Variants in IQANK1 observed in about 807,000 individuals in gnomAD.
IQANK1 encodes the protein IQ motif and ankyrin repeat domain-containing protein 1.
Under a neutral mutation model 22.6 loss-of-function variants are expected in IQANK1, and 30 were observed. The observed-to-expected ratio is 1.33, with a 90% CI of 0.99 to 1.80. The LOEUF (loss-of-function observed/expected upper bound fraction) is 1.80. Ranked by LOEUF, IQANK1 falls within the 40% of genes most tolerant of loss-of-function variation. IQANK1 has a pLI of 0.00. For missense variants in IQANK1, 275 were observed against 235.2 expected (o/e 1.17, Z -1.11); for synonymous variants, 122 against 99.6 (o/e 1.23, Z -1.34).
rs931044501 is a variant in IQANK1, at chr8:143,790,304, C to T, written c.1424+33C>T. 64 of 1,231,548 alleles carry T rather than the reference C, an allele frequency of 5.2e-5. No individual in the cohort carries two copies. In the African/African-American group the frequency reaches 9.3e-4, roughly 18 times the overall value. 76.3% of individuals were successfully genotyped at this position (1,231,548 alleles called of 1,614,324 possible). A position where few individuals can be genotyped will look rare whatever the true frequency, so the allele number is the denominator to read the frequency against. Reference sequence around the variant, plus strand: ...AGGCAGGGTGACAGGTACACCCCACCCCACCTCCCTAGCCCCACCCTGGCC... The same window carrying T: ...AGGCAGGGTGACAGGTACACCCCACTCCACCTCCCTAGCCCCACCCTGGCC... On this transcript the variant is annotated intron_variant, in intron 13 of 13. Transcript: ENST00000527139.
intron 3 of IQANK1, among the ~76,000 whole-genome samples, chr8:143,748,616 AAT>A (rs1202633403): frequency 3.9e-5 from 5 of 128,896 alleles, no homozygotes; most frequent in African/African-American, 1.2e-4. Context: ...ATAATATATA[AAT>A]ATATAATATA....
At chr8:143,753,110 C>T (rs56119507) in intron 3 of IQANK1, among the ~76,000 whole-genome samples, 30,896 of 144,926 alleles carry the variant, frequency 0.21, 3,556 homozygotes, top group East Asian at 0.54. Flanking sequence ...CTTAAGCAAT[C>T]CTCCCTCCTC....
intron 2 of IQANK1, among the ~76,000 whole-genome samples, chr8:143,737,144 G>A (rs116762920): frequency 6.3e-4 from 96 of 152,338 alleles, no homozygotes; most frequent in African/African-American, 2.1e-3. Flanking sequence ...AGGATAATGG[G>A]CACAGGTGCC....
At chr8:143,778,198 AC>A (rs1287319492) in intron 7 of IQANK1, among the ~76,000 whole-genome samples, 151 of 8,074 alleles carry the variant, frequency 0.019, 1 homozygote, top group African/African-American at 0.057. Context: ...CCGTCTCAAA[AC>A]AAAAAAAAAA....
chr8:143,752,415 A>G (rs190813501), intron 3 of IQANK1, among the ~76,000 whole-genome samples: 209 of 152,278 alleles, frequency 1.4e-3, no homozygotes, highest in African/African-American at 4.4e-3. Context: ...TTGCATTTCA[A>G]AAGTTAGACT....
intron 3 of IQANK1, among the ~76,000 whole-genome samples, chr8:143,764,687 T>C (rs917925123): frequency 6.6e-6 from 1 of 152,168 alleles, no homozygotes; most frequent in South Asian, 2.1e-4. Context: ...TCTCTCTCCA[T>C]TTTTACAGGG....
At position 143,739,884 on chromosome 8, in the gene IQANK1, G is replaced by T; in HGVS notation, c.111G>T (p.Pro37=). Residue 37 remains proline (P), a synonymous_variant, in exon 3 of 14, where the codon CCG becomes CCT. Transcript: ENST00000527139. ...AAGKPGENRP[P]QRKAGWQARE... Reference sequence around the variant, plus strand: ...GGAAGCCCGGGGAGAACCGCCCGCCGCAGAGGAAAGCGGGCTGGCAGGCGA... The same window carrying T: ...GGAAGCCCGGGGAGAACCGCCCGCCTCAGAGGAAAGCGGGCTGGCAGGCGA... 1 of 696,782 alleles carries T rather than the reference G, an allele frequency of 1.4e-6. No homozygotes were observed. The highest frequency in any genetic ancestry group is 2.6e-6 in the Non-Finnish European group (1 of 382,460). 43.2% of individuals were successfully genotyped at this position (696,782 alleles called of 1,614,324 possible). A position where few individuals can be genotyped will look rare whatever the true frequency, so the allele number is the denominator to read the frequency against.
chr8:143,760,598 G>C (rs1819377576), intron 3 of IQANK1: 1 of 152,128 alleles, frequency 6.6e-6, no homozygotes. Flanking sequence ...TGGGAGGATC[G>C]GTTGAGCCTG....
At chr8:143,748,807 C>CATATAAATATATAAATATATTTCAT (rs1819101465) in intron 3 of IQANK1, among the ~76,000 whole-genome samples, 1 of 40,142 alleles carries the variant, frequency 2.5e-5, no homozygotes, top group East Asian at 6.3e-4. Context: ...AAATATATAT[C>CATATAAATATATAAATATATTTCAT]ATATAAATAT....
chr8:143,755,231 C>G (rs1217782088), intron 3 of IQANK1, among the ~76,000 whole-genome samples: 1 of 152,216 alleles, frequency 6.6e-6, no homozygotes, highest in Non-Finnish European at 1.5e-5. Flanking sequence ...AACATTCTAT[C>G]ACGCCAGCTC....
In IQANK1 at chr8:143,748,099, AT is replaced by A. The variant is rs1554627437; in HGVS notation, c.175+8153del. On this transcript the variant is annotated intron_variant, in intron 3 of 13. Transcript: ENST00000527139. ...AACCTCTGCCTCCCGGGCTCAAGCGATTCTCCTGTCTCAGCCTCCCAAGTAG... is the reference window on the plus strand; with the variant it reads ...AACCTCTGCCTCCCGGGCTCAAGCGATCTCCTGTCTCAGCCTCCCAAGTAG... Among the ~76,000 whole-genome samples the A allele has an allele frequency of 2.6e-5, 4 of 151,612 alleles. No homozygotes were observed. In the East Asian group the frequency reaches 5.8e-4, roughly 22 times the overall value.
At chr8:143,751,729 T>A (rs1819198523) in intron 3 of IQANK1, among the ~76,000 whole-genome samples, 1 of 145,826 alleles carries the variant, frequency 6.9e-6, no homozygotes, top group South Asian at 2.2e-4. Context: ...CATGTTTATC[T>A]TTATTGAGAT....
intron 7 of IQANK1, among the ~76,000 whole-genome samples, chr8:143,787,279 T>G (rs1292829666): frequency 6.6e-6 from 1 of 152,158 alleles, no homozygotes; most frequent in Admixed American, 6.5e-5. Flanking sequence ...GAACTTTTGG[T>G]CCTAGCTGCT....
intron 3 of IQANK1, among the ~76,000 whole-genome samples, chr8:143,770,263 T>C (rs781976485): frequency 1.1e-4 from 17 of 152,252 alleles, no homozygotes; most frequent in Non-Finnish European, 2.2e-4. Flanking sequence ...TTTCCCCCTT[T>C]TGTCTTAAGA....
At position 143,771,739 on chromosome 8, in the gene IQANK1, G is replaced by A. The variant is rs1554629795; in HGVS notation, c.307-62G>A. ...GGCTCCGACCTCAGAGGCGTGGACC[G>A]TGGCCTCGGGGCTCGGGGCGGTGGC... On this transcript the variant is annotated intron_variant, in intron 4 of 13. Transcript: ENST00000527139. The surrounding 1 kb of genome is among the most constrained non-coding windows in gnomAD (Gnocchi z 6.0). 7 of 396,606 alleles carry A rather than the reference G, an allele frequency of 1.8e-5. No homozygotes were observed. In the Admixed American group the frequency reaches 3.1e-4, roughly 18 times the overall value. The allele number at this position is 396,606 out of a possible 1,614,324, so 24.6% of individuals were successfully genotyped here. A position where few individuals can be genotyped will look rare whatever the true frequency, so the allele number is the denominator to read the frequency against.
chr8:143,789,690 G>A, intron 10 of IQANK1, 71 bp from the exon 11 acceptor site: 1 of 1,218,450 alleles, frequency 8.2e-7, no homozygotes, highest in African/African-American at 1.6e-5. Context: ...TGGGGAGGAA[G>A]CTCGGGCAGC....
At chr8:143,743,949 T>C (rs1554626969) in intron 3 of IQANK1, 1 of 386,930 alleles carries the variant, frequency 2.6e-6, no homozygotes, top group South Asian at 1.8e-5. Flanking sequence ...TTCTCCTGCC[T>C]CAGCCTCCTG....
intron 7 of IQANK1, among the ~76,000 whole-genome samples, chr8:143,773,784 C>G (rs1819631589): frequency 6.6e-6 from 1 of 152,132 alleles, no homozygotes; most frequent in African/African-American, 2.4e-5. Context: ...AGGGGAGGGG[C>G]AGGGCCGAGG....
intron 3 of IQANK1, chr8:143,746,418 T>A (rs1554627207): frequency 6.6e-6 from 1 of 152,248 alleles, no homozygotes. Flanking sequence ...GGGCACAGTC[T>A]GTCACCCAGG....
Sources: gnomAD v4.1 joint callset for allele counts (sites outside exome capture counted in the v4.1 genomes callset) on GRCh38, gnomAD v4.1.1 for gene constraint, Gnocchi (gnomAD v3.1) non-coding constraint, MANE v1.5 for transcripts, NCBI Gene and HGNC (gene_info 2026-07-23, HGNC 2026-07-21) for gene names.